The following KAZN variants were observed in gnomAD, a reference collection of about 807,000 sequenced individuals.
The protein encoded by KAZN is kazrin.
KAZN carries 40 observed loss-of-function variants against 87.4 expected under a neutral mutation model. The ratio of observed to expected loss-of-function variants is 0.46; its 90% CI spans 0.36 to 0.60. KAZN has a LOEUF of 0.60. KAZN is among the 20% of genes least tolerant of loss of function. KAZN has a pLI of 0.00. For synonymous variants in KAZN, 466 were observed against 458.3 expected (o/e 1.02, Z -0.22); for missense variants, 898 against 1,073.9 (o/e 0.84, Z 2.29).
intron 2 of KAZN, among the ~76,000 whole-genome samples, chr1:15,009,580 C>T (rs1367996840): frequency 6.6e-6 from 1 of 152,182 alleles, no homozygotes; most frequent in Non-Finnish European, 1.5e-5. Flanking sequence ...CTTTGAGCAC[C>T]CATGCAGACG....
intron 1 of KAZN, among the ~76,000 whole-genome samples, chr1:14,894,712 T>C (rs1655076624): frequency 6.6e-6 from 1 of 152,218 alleles, no homozygotes; most frequent in Non-Finnish European, 1.5e-5. Context: ...GTGCCTGGAA[T>C]TGGGTACACA....
intron 1 of KAZN, among the ~76,000 whole-genome samples, chr1:14,873,408 G>A (rs895467179): frequency 5.9e-5 from 9 of 152,194 alleles, no homozygotes; most frequent in African/African-American, 2.2e-4. Context: ...CAGAATAATG[G>A]GGCTGCTGTT....
At chr1:14,417,014 A>ATATATG (rs1299799953) in intron 2 of KAZN, among the ~76,000 whole-genome samples, 9 of 45,196 alleles carry the variant, frequency 2.0e-4, no homozygotes, top group African/African-American at 5.8e-4. Context: ...ATATATGTAC[A>ATATATG]CACACACACA....
chr1:14,650,563 CA>C (rs1638296995), intron 1 of KAZN, among the ~76,000 whole-genome samples: 1 of 152,040 alleles, frequency 6.6e-6, no homozygotes, highest in Admixed American at 6.6e-5. Flanking sequence ...AACAGATAAA[CA>C]AAAAAGACAC....
chr1:13,959,726 A>C (rs565266627), intron 1 of KAZN, among the ~76,000 whole-genome samples: 11 of 152,276 alleles, frequency 7.2e-5, no homozygotes, highest in Non-Finnish European at 1.3e-4. Flanking sequence ...AGATGTCCAC[A>C]TCATACCCTC....
chr1:14,605,967 A>G (rs1208832173), intron 1 of KAZN, among the ~76,000 whole-genome samples: 1 of 152,224 alleles, frequency 6.6e-6, no homozygotes, highest in Non-Finnish European at 1.5e-5. Flanking sequence ...GCATTTCAGG[A>G]ATGCATTCAG....
chr1:14,957,828 G>A (rs1174771140), intron 1 of KAZN, among the ~76,000 whole-genome samples: 2 of 152,224 alleles, frequency 1.3e-5, no homozygotes. Context: ...GGTGGGGCGG[G>A]GAGGCTGTCG....
chr1:14,214,876 A>C (rs1014416866), intron 2 of KAZN, among the ~76,000 whole-genome samples: 3 of 152,242 alleles, frequency 2.0e-5, no homozygotes, highest in Admixed American at 2.0e-4. Context: ...AGTAGAAGAC[A>C]CAGCCCCTAT....
At chr1:14,672,465 C>CT (rs1207751553) in intron 1 of KAZN, among the ~76,000 whole-genome samples, 1 of 152,198 alleles carries the variant, frequency 6.6e-6, no homozygotes, top group Non-Finnish European at 1.5e-5. Flanking sequence ...CAGTCTGGCT[C>CT]TTTCTCGAAG....
At chr1:14,875,513 A>G (rs1652673756) in intron 1 of KAZN, among the ~76,000 whole-genome samples, 1 of 151,830 alleles carries the variant, frequency 6.6e-6, no homozygotes, top group Non-Finnish European at 1.5e-5. Context: ...AAGAAAAAAA[A>G]ACTATTTTCA....
chr1:14,350,519 T>C (rs1658458129), intron 2 of KAZN, among the ~76,000 whole-genome samples: 1 of 152,082 alleles, frequency 6.6e-6, no homozygotes, highest in South Asian at 2.1e-4. Context: ...CGTCTGGAGA[T>C]CTTTTGGGTT....
chr1:14,822,323 G>A (rs1411038762), intron 1 of KAZN, among the ~76,000 whole-genome samples: 2 of 152,196 alleles, frequency 1.3e-5, no homozygotes, highest in Middle Eastern at 3.4e-3. Context: ...GAAGCACTGC[G>A]AGGATATGAA....
At chr1:14,827,681 C>T (rs1646935609) in intron 1 of KAZN, among the ~76,000 whole-genome samples, 1 of 152,190 alleles carries the variant, frequency 6.6e-6, no homozygotes, top group Non-Finnish European at 1.5e-5. Flanking sequence ...TAAGCAGCCG[C>T]CACTGGCCCT....
intron 1 of KAZN, among the ~76,000 whole-genome samples, chr1:14,096,820 A>T (rs1172996998): frequency 6.6e-6 from 1 of 152,214 alleles, no homozygotes; most frequent in African/African-American, 2.4e-5. Flanking sequence ...AACGCTCCTT[A>T]AAACGGTAAC....
chr1:15,082,761 C>T (rs149281506), intron 8 of KAZN, among the ~76,000 whole-genome samples: 284 of 152,304 alleles, frequency 1.9e-3, no homozygotes, highest in African/African-American at 6.0e-3. Flanking sequence ...GGCATGATCT[C>T]GACTCACTGC....
chr1:14,986,746 G>T (rs1248165828), intron 2 of KAZN, among the ~76,000 whole-genome samples: 1 of 152,212 alleles, frequency 6.6e-6, no homozygotes, highest in Non-Finnish European at 1.5e-5. Flanking sequence ...TCAGTTGTTT[G>T]TTGGGGTGGA....
chr1:14,932,653 A>G (rs1242503093), intron 1 of KAZN, among the ~76,000 whole-genome samples: 1 of 151,906 alleles, frequency 6.6e-6, no homozygotes, highest in Non-Finnish European at 1.5e-5. Flanking sequence ...GAAGCCTGAG[A>G]TGTGTGTTTT....
At chr1:14,444,879 G>A (rs1290385988) in intron 2 of KAZN, among the ~76,000 whole-genome samples, 1 of 152,114 alleles carries the variant, frequency 6.6e-6, no homozygotes, top group African/African-American at 2.4e-5. Flanking sequence ...ATAGTTTCAT[G>A]TTATGGGTTG....
intron 1 of KAZN, among the ~76,000 whole-genome samples, chr1:14,896,552 T>C (rs1421058089): frequency 2.6e-5 from 4 of 152,352 alleles, no homozygotes; most frequent in East Asian, 3.9e-4. Flanking sequence ...TAGCTCTAAC[T>C]GGTACCCTGT....
Sources: gnomAD v4.1 joint callset for allele counts (sites outside exome capture counted in the v4.1 genomes callset) on GRCh38, gnomAD v4.1.1 for gene constraint, MANE v1.5 for transcripts, NCBI Gene and HGNC (gene_info 2026-07-23, HGNC 2026-07-21) for gene names.